The following PSG6 variants were observed in gnomAD, a reference collection of about 807,000 sequenced individuals.
The protein encoded by PSG6 is pregnancy specific beta-1-glycoprotein 6.
Under a neutral mutation model 43.3 loss-of-function variants are expected in PSG6, and 51 were observed. The observed-to-expected ratio is 1.18, with a 90% confidence interval of 0.94 to 1.49. The LOEUF (loss-of-function observed/expected upper bound fraction) is 1.49, where lower values mean the gene tolerates loss of function less well. Among genes scored for constraint, PSG6 ranks in the 40% most tolerant of loss-of-function variants. The probability of loss-of-function intolerance (pLI) is 0.00; values close to 1 mark genes in which losing one functional copy is unlikely to be tolerated. For missense variants in PSG6, 770 were observed against 522.2 expected (o/e 1.47, Z -4.62); for synonymous variants, 292 against 197.6 (o/e 1.48, Z -4.01).
chr19:42,907,893 T>G, intron 3 of PSG6, 39 bp from the exon 4 acceptor site: 1 of 1,603,704 alleles, frequency 6.2e-7, no homozygotes, highest in Non-Finnish European at 8.5e-7. Context: ...GTGGCACCTT[T>G]GATTCCTCCA....
Position 42,907,714 on chromosome 19 carries a change from G to T in PSG6, c.847C>A (p.Pro283Thr), listed in dbSNP as rs765268203. The change falls in exon 4 of 6, where the codon CCG becomes ACG. Residue 283 changes from proline to threonine, a missense_variant. Pro to Thr is a conservative substitution (Grantham distance 38). Coordinates refer to ENST00000187910, the MANE Select transcript of PSG6 (RefSeq NM_001031850.4). ...TTTTCAATGGGTCGCTTTACCCTCGGACTGACCGGGAGGCTCTGACCATTT... is the reference window on the plus strand; with the variant it reads ...TTTTCAATGGGTCGCTTTACCCTCGTACTGACCGGGAGGCTCTGACCATTT... The part of the protein sequence containing the change: ...WLNGQSLPVS[P>T]RVKRPIENRI... The T allele has an allele frequency of 2.5e-6, 4 of 1,610,696 alleles. No homozygotes were observed. Among genetic ancestry groups the T allele is most frequent in the East Asian group, 2.2e-5 (1 of 44,814 alleles).
chr19:42,912,506 G>T (rs1489548354), intron 2 of PSG6, among the ~76,000 whole-genome samples: 1 of 151,748 alleles, frequency 6.6e-6, no homozygotes, highest in East Asian at 1.9e-4. Flanking sequence ...TCCTTAAGTA[G>T]AGAGAGTCCT....
At chr19:42,907,224 G>C (rs1162045116) in intron 4 of PSG6, 48 bp from the exon 5 acceptor site, 3 of 1,589,540 alleles carry the variant, frequency 1.9e-6, no homozygotes, top group Non-Finnish European at 2.6e-6. Context: ...CAAGGGAAGG[G>C]GATGCTCCTG....
At chr19:42,911,412 G>A (rs1972222772) in intron 2 of PSG6, among the ~76,000 whole-genome samples, 1 of 151,538 alleles carries the variant, frequency 6.6e-6, no homozygotes, top group African/African-American at 2.4e-5. Flanking sequence ...CTGGAGGTCA[G>A]TTCAGTCATC....
At chr19:42,915,125 GC>G (rs1430711152) in intron 2 of PSG6, among the ~76,000 whole-genome samples, 1 of 151,462 alleles carries the variant, frequency 6.6e-6, no homozygotes, top group Non-Finnish European at 1.5e-5. Flanking sequence ...TGGGCCTGTG[GC>G]TGCAGACAGA....
At chr19:42,906,797 A>C in intron 5 of PSG6, 125 bp downstream of exon 5, 2 of 1,600,170 alleles carry the variant, frequency 1.2e-6, no homozygotes, top group East Asian at 4.5e-5. Flanking sequence ...TCAGGAGGAG[A>C]ATTTGGGATT....
In PSG6 at chr19:42,910,175, C is replaced by T. The variant is rs193245624; in HGVS notation, c.706+405G>A. On this transcript the variant is annotated intron_variant, in intron 3 of 5. Coordinates refer to ENST00000187910, the MANE Select transcript of PSG6 (RefSeq NM_001031850.4). ...AAACGGTGGGAGCATCCAGGCCATG[C>T]GGAGCAAAGAGAATAATGTCACAGG... The T allele has an allele frequency of 3.0e-4, 97 of 324,690 alleles. 4 individuals carry two copies. Among genetic ancestry groups the T allele is most frequent in the South Asian group, 1.8e-3 (54 of 29,560 alleles). 20.1% of individuals were successfully genotyped at this position (324,690 alleles called of 1,614,324 possible).
intron 5 of PSG6, 38 bp downstream of exon 5, chr19:42,906,884 C>A (rs750419690): frequency 6.2e-6 from 10 of 1,611,744 alleles, no homozygotes; most frequent in East Asian, 2.2e-5. Context: ...TAGACTCCAC[C>A]TAAAACCCTA....
At chr19:42,912,354 A>AG (rs1972243354) in intron 2 of PSG6, among the ~76,000 whole-genome samples, 1 of 151,784 alleles carries the variant, frequency 6.6e-6, no homozygotes. Context: ...GGAAATTTTT[A>AG]CTGATGGTCC....
At position 42,916,414 on chromosome 19, in the gene PSG6, G is replaced by A. The variant is rs149101321; in HGVS notation, c.138C>T (p.Ser46=). The A allele has an allele frequency of 4.7e-5, 76 of 1,611,958 alleles. 4 individuals are homozygous for A. Among genetic ancestry groups the A allele is most frequent in the Middle Eastern group, 1.6e-4 (1 of 6,082 alleles). Reference sequence around the variant, plus strand: ...CAAGTAGAAGAACATCCTTCCCCTCGGAAACTTTGGGTGGCTTGGCTTCAA... The same window carrying A: ...CAAGTAGAAGAACATCCTTCCCCTCAGAAACTTTGGGTGGCTTGGCTTCAA... ...VIIEAKPPKV[S]EGKDVLLLVH... The change falls in exon 2 of 6, where the codon TCC becomes TCT. Residue 46 remains serine, a synonymous_variant. Transcript: ENST00000187910.
In PSG6 at chr19:42,907,867, C is replaced by T; in HGVS notation, c.707-13G>A. 1 of 1,610,848 alleles carries T rather than the reference C, an allele frequency of 6.2e-7. No individual in the cohort carries two copies. Among genetic ancestry groups the T allele is most frequent in the South Asian group, 1.1e-5 (1 of 90,678 alleles). ...ATGGGCAGCTTCGCTGTGTGGATAA[C>T]AGAAGATTGTCCTGTGTGGCACCTT... On this transcript the variant is annotated splice_polypyrimidine_tract_variant and intron_variant, in intron 3 of 5. Coordinates refer to ENST00000187910, the MANE Select transcript of PSG6 (RefSeq NM_001031850.4).
chr19:42,911,209 G>A (rs1323944429), intron 2 of PSG6, among the ~76,000 whole-genome samples: 1 of 151,546 alleles, frequency 6.6e-6, no homozygotes, highest in African/African-American at 2.4e-5. Context: ...GGGGCATGCA[G>A]TGCTGGAATC....
Position 42,907,299 on chromosome 19 carries a change from A to C in PSG6, c.986-123T>G, listed in dbSNP as rs368902479. 3,326 of 1,492,822 alleles carry C rather than the reference A, an allele frequency of 2.2e-3. 95 individuals are homozygous for C. The African/African-American group carries it at 0.027, about 12-fold the overall frequency. 92.5% of individuals were successfully genotyped at this position (1,492,822 alleles called of 1,614,324 possible). On this transcript the variant is annotated intron_variant, in intron 4 of 5. Transcript: ENST00000187910. Reference sequence around the variant, plus strand: ...CAACCTCAAGTGACAGCCAAATCCCATCTATGTTTACTAAGCCCAAGCCTG... The same window carrying C: ...CAACCTCAAGTGACAGCCAAATCCCCTCTATGTTTACTAAGCCCAAGCCTG...
At chr19:42,917,413 G>A (rs940189589) in intron 1 of PSG6, among the ~76,000 whole-genome samples, 2 of 146,586 alleles carry the variant, frequency 1.4e-5, no homozygotes, top group Non-Finnish European at 3.0e-5. Flanking sequence ...ACCCAGGCTG[G>A]CGTGCAGTGG....
chr19:42,916,611 C>G (rs150423590), intron 1 of PSG6, 124 bp from the exon 2 acceptor site: 13,679 of 1,345,024 alleles, frequency 0.01, 260 homozygotes, highest in Non-Finnish European at 0.013. Flanking sequence ...CACACACATA[C>G]AAACACACAC....
At chr19:42,906,099 T>A (rs1972107033) in intron 5 of PSG6, among the ~76,000 whole-genome samples, 1 of 151,610 alleles carries the variant, frequency 6.6e-6, no homozygotes, top group Non-Finnish European at 1.5e-5. Flanking sequence ...AATTACACAC[T>A]TTTTGGCACT....
chr19:42,903,627 A>G lies in PSG6; in HGVS notation c.1241-1181T>C, dbSNP rs190664500. ...AAATGGACTCTGAGCATGGTGGGTC[A>G]TGTTTTAATCCTAGCACTTTGGGAG... is the stretch of plus-strand genomic sequence containing the variant. On this transcript the variant is annotated intron_variant, in intron 5 of 5. Coordinates refer to ENST00000187910, the MANE Select transcript of PSG6 (RefSeq NM_001031850.4). 79 of 1,481,032 alleles carry G rather than the reference A, an allele frequency of 5.3e-5. 1 individual carries two copies. The highest frequency in any genetic ancestry group is 4.5e-4 in the East Asian group (17 of 37,594). The allele number at this position is 1,481,032 out of a possible 1,614,324, so 91.7% of individuals were successfully genotyped here.
chr19:42,914,868 C>G (rs1600549465), intron 2 of PSG6, among the ~76,000 whole-genome samples: 1 of 151,162 alleles, frequency 6.6e-6, no homozygotes. Flanking sequence ...GACATGGACA[C>G]TTGGGAAACA....
At chr19:42,917,259 CA>C (rs1972354272) in intron 1 of PSG6, among the ~76,000 whole-genome samples, 1 of 151,270 alleles carries the variant, frequency 6.6e-6, no homozygotes. Context: ...AATTCCGGTT[CA>C]ATGTGACTTT....
Sources: allele counts gnomAD v4.1 joint callset (sites outside exome capture counted in the v4.1 genomes callset), GRCh38; gene constraint gnomAD v4.1.1; transcripts MANE v1.5; gene names NCBI Gene and HGNC (gene_info 2026-07-23, HGNC 2026-07-21).